STAG1: variants seen among roughly 807,000 people sequenced by gnomAD.
STAG1 encodes STAG1 cohesin complex component, also known as cohesin subunit SA-1.
A neutral mutation model predicts 170.9 loss-of-function variants in STAG1; 26 were observed. The observed-to-expected ratio is 0.15, with a 90% confidence interval of 0.11 to 0.21. The LOEUF is 0.21. STAG1 is among the 10% of genes least tolerant of loss of function. The pLI is 1.00. For missense variants in STAG1, 964 were observed against 1,509.5 expected (o/e 0.64, Z 5.99); for synonymous variants, 514 against 497.7 (o/e 1.03, Z -0.44).
chr3:136,493,801 CAAAAG>C (rs1214547132), intron 9 of STAG1, among the ~76,000 whole-genome samples: 1 of 151,740 alleles, frequency 6.6e-6, no homozygotes, highest in African/African-American at 2.4e-5. Flanking sequence ...CTGAGAAAGA[CAAAAG>C]AGAAGACACA....
At chr3:136,376,842 G>A (rs2108306481) in intron 23 of STAG1, among the ~76,000 whole-genome samples, 1 of 151,974 alleles carries the variant, frequency 6.6e-6, no homozygotes, top group Non-Finnish European at 1.5e-5. Context: ...CCAGGCTGGA[G>A]TGCAATGGCG....
chr3:136,606,414 C>T (rs919521052), intron 3 of STAG1, among the ~76,000 whole-genome samples: 3 of 152,162 alleles, frequency 2.0e-5, no homozygotes, highest in African/African-American at 4.8e-5. Flanking sequence ...GTCTTGAACT[C>T]CTGACCTCAA....
intron 22 of STAG1, among the ~76,000 whole-genome samples, chr3:136,384,753 G>A (rs1055704340): frequency 2.0e-5 from 3 of 150,292 alleles, no homozygotes; most frequent in Non-Finnish European, 4.4e-5. Flanking sequence ...GGGCAACAGA[G>A]TGAGACTCCA....
intron 2 of STAG1, among the ~76,000 whole-genome samples, chr3:136,626,303 A>G (rs1468180572): frequency 6.6e-6 from 1 of 150,852 alleles, no homozygotes; most frequent in Non-Finnish European, 1.5e-5. Context: ...GTGTGCGCCT[A>G]TAGTCCCAGC....
At chr3:136,559,531 T>C (rs894743560) in intron 5 of STAG1, among the ~76,000 whole-genome samples, 1 of 152,142 alleles carries the variant, frequency 6.6e-6, no homozygotes, top group African/African-American at 2.4e-5. Flanking sequence ...GGCAAAGGAA[T>C]TGGGGTATTT....
chr3:136,645,783 C>T (rs1042429159), intron 1 of STAG1, among the ~76,000 whole-genome samples: 3 of 152,060 alleles, frequency 2.0e-5, no homozygotes, highest in African/African-American at 7.2e-5. Flanking sequence ...CTCCTCCATT[C>T]GACATATATA....
chr3:136,666,845 G>C (rs1941799735), intron 1 of STAG1, among the ~76,000 whole-genome samples: 1 of 150,486 alleles, frequency 6.6e-6, no homozygotes, highest in Non-Finnish European at 1.5e-5. Context: ...AAACCTGTTT[G>C]ATGCTAGGAT....
intron 9 of STAG1, among the ~76,000 whole-genome samples, chr3:136,497,697 T>G (rs1292394923): frequency 6.7e-6 from 1 of 149,686 alleles, no homozygotes; most frequent in East Asian, 2.0e-4. Context: ...ATAAAATAAA[T>G]ACAAAAAATT....
chr3:136,340,695 G>T, intron 31 of STAG1, 90 bp from the exon 32 acceptor site: 2 of 794,506 alleles, frequency 2.5e-6, no homozygotes, highest in Non-Finnish European at 4.4e-6. Flanking sequence ...TTCTAACCAA[G>T]TGAAGTATAC....
chr3:136,700,074 G>C (rs540547267), intron 1 of STAG1, among the ~76,000 whole-genome samples: 200 of 151,622 alleles, frequency 1.3e-3, no homozygotes, highest in Non-Finnish European at 2.5e-3. Context: ...GTGTTGAAGA[G>C]AAACCATTTA....
intron 9 of STAG1, among the ~76,000 whole-genome samples, chr3:136,498,288 C>T (rs1410378869): frequency 3.9e-5 from 5 of 128,638 alleles, no homozygotes; most frequent in East Asian, 5.4e-4. Flanking sequence ...CACACATACA[C>T]ACACACACAC....
intron 5 of STAG1, among the ~76,000 whole-genome samples, chr3:136,553,513 T>C (rs1207986072): frequency 6.6e-6 from 1 of 152,080 alleles, no homozygotes; most frequent in African/African-American, 2.4e-5. Context: ...TGGTGGCTCA[T>C]GCCTGTAATC....
intron 16 of STAG1, among the ~76,000 whole-genome samples, chr3:136,428,801 T>C (rs1241537793): frequency 6.6e-6 from 1 of 152,128 alleles, no homozygotes; most frequent in Non-Finnish European, 1.5e-5. Flanking sequence ...ATGTGGGGAA[T>C]GAAAGACTTC....
At chr3:136,668,935 A>G (rs1941897703) in intron 1 of STAG1, among the ~76,000 whole-genome samples, 1 of 152,224 alleles carries the variant, frequency 6.6e-6, no homozygotes, top group Non-Finnish European at 1.5e-5. Flanking sequence ...AGAGGTCAGT[A>G]ATTTTCCAAC....
chr3:136,704,120 G>A (rs573252297), intron 1 of STAG1, among the ~76,000 whole-genome samples: 14 of 149,066 alleles, frequency 9.4e-5, no homozygotes, highest in African/African-American at 2.5e-4. Context: ...GTGCGATCTC[G>A]GCTCACTTCA....
At chr3:136,551,198 TGAGAGAGAGTGAGAGAGA>T (rs1936367875) in intron 5 of STAG1, among the ~76,000 whole-genome samples, 15 of 43,130 alleles carry the variant, frequency 3.5e-4, no homozygotes, top group African/African-American at 1.6e-3. Context: ...AGAGAGAGGT[TGAGAGAGAGTGAGAGAGA>T]GAGAGAGAGA....
chr3:136,692,326 A>ATAC (rs1264938037), intron 1 of STAG1, among the ~76,000 whole-genome samples: 1 of 146,942 alleles, frequency 6.8e-6, no homozygotes, highest in Admixed American at 6.8e-5. Context: ...AAAAAAAAAA[A>ATAC]AAAAAAAAAA....
At chr3:136,622,135 TAAAAAAAAAAAA>T (rs75542452) in intron 3 of STAG1, among the ~76,000 whole-genome samples, 9 of 92,806 alleles carry the variant, frequency 9.7e-5, no homozygotes, top group South Asian at 3.8e-4. Context: ...CCATCTCTAC[TAAAAAAAAAAAA>T]AAAAAAAAAA....
Position 136,719,079 on chromosome 3 carries a change from T to A in STAG1, c.-84+33116A>T, listed in dbSNP as rs191492242. On this transcript the variant is annotated intron_variant, in intron 1 of 33. Coordinates refer to ENST00000383202, the MANE Select transcript of STAG1 (RefSeq NM_005862.3). Reference sequence around the variant, plus strand: ...GCCAAAGAGGAATGAAACATATGTCTACACCAAGACTTGTAAATGAATGTT... The same window carrying A: ...GCCAAAGAGGAATGAAACATATGTCAACACCAAGACTTGTAAATGAATGTT... Among the ~76,000 whole-genome samples the A allele has an allele frequency of 2.6e-3, 395 of 152,304 alleles. 1 individual carries two copies. The highest frequency in any genetic ancestry group is 4.3e-3 in the Non-Finnish European group (292 of 68,026).
Sources: gnomAD v4.1 joint callset for allele counts (sites outside exome capture counted in the v4.1 genomes callset) on GRCh38, gnomAD v4.1.1 for gene constraint, MANE v1.5 for transcripts, NCBI Gene and HGNC (gene_info 2026-07-23, HGNC 2026-07-21) for gene names.